THAP5: variants seen among roughly 807,000 people sequenced by gnomAD.
The protein encoded by THAP5 is THAP domain containing 5.
Under a neutral mutation model 34.0 loss-of-function variants are expected in THAP5, and 26 were observed. The ratio of observed to expected loss-of-function variants is 0.77; its 90% CI spans 0.56 to 1.06. The LOEUF (loss-of-function observed/expected upper bound fraction) is 1.06, where lower values mean the gene tolerates loss of function less well. Ranked by LOEUF, THAP5 falls within the 50% of genes least tolerant of loss-of-function variation. THAP5 has a pLI of 0.00. For synonymous variants in THAP5, 125 were observed against 153.0 expected (o/e 0.82, Z 1.35); for missense variants, 394 against 452.8 (o/e 0.87, Z 1.18).
rs1490240025 is a variant in THAP5 at position 108,562,230 on chromosome 7, AAACTT to A, written c.*1956_*1960del. The stretch of plus-strand genomic sequence containing the variant: ...AAAATTACTACAATGTACACTGTTG[AAACTT>A]AACATATCATTACTTTATTGTGACT... On this transcript the variant is annotated 3_prime_UTR_variant, in exon 3 of 3. Transcript: ENST00000415914. 2.6e-5 allele frequency: 4 copies of A among 152,174 alleles called. No homozygotes were observed. Among genetic ancestry groups the A allele is most frequent in the African/African-American group, 9.7e-5 (4 of 41,434 alleles). The allele number at this position is 152,174 out of a possible 1,614,324, so 9.4% of individuals were successfully genotyped here.
intron 1 of THAP5, among the ~76,000 whole-genome samples, chr7:108,568,107 T>C (rs952230625): frequency 2.0e-5 from 3 of 152,254 alleles, no homozygotes; most frequent in Non-Finnish European, 1.5e-5. Flanking sequence ...TGGATTAGAT[T>C]GTTTTCCTCC....
At chr7:108,558,648 G>A (rs1176355695), downstream of THAP5, among the ~76,000 whole-genome samples, 9 of 151,294 alleles carry the variant, frequency 5.9e-5, no homozygotes, top group Non-Finnish European at 1.0e-4. Flanking sequence ...CGCCAGCCTC[G>A]GCCTCCCAAA....
At chr7:108,566,581 A>C (rs1288687167) in intron 1 of THAP5, among the ~76,000 whole-genome samples, 3 of 152,214 alleles carry the variant, frequency 2.0e-5, no homozygotes, top group Non-Finnish European at 4.4e-5. Context: ...CATCATCTTT[A>C]ATTCTATCTA....
downstream of THAP5, among the ~76,000 whole-genome samples, chr7:108,559,127 G>A (rs1291590662): frequency 6.6e-6 from 1 of 152,186 alleles, no homozygotes; most frequent in African/African-American, 2.4e-5. Flanking sequence ...ATACAGTCAT[G>A]GATGGAAAAG....
chr7:108,558,381 G>GTATCTATATATATATATATATA (rs1554694585), downstream of THAP5, among the ~76,000 whole-genome samples: 1 of 93,824 alleles, frequency 1.1e-5, no homozygotes, highest in African/African-American at 4.6e-5. Context: ...GTGTGTGTAT[G>GTATCTATATATATATATATATA]TATATATATA....
At position 108,564,423 on chromosome 7, in the gene THAP5, T is replaced by G. The variant is rs1175786315; in HGVS notation, c.956A>C (p.Gln319Pro). The part of the protein sequence containing the change: ...KDVDYGTEVL[Q>P]IEHSYCRQDI... Reference sequence around the variant, plus strand: ...TTGTCTGCAGTAAGAATGTTCGATTTGTAAAACTTCTGTCCCATAGTCTAC... The same window carrying G: ...TTGTCTGCAGTAAGAATGTTCGATTGGTAAAACTTCTGTCCCATAGTCTAC... The change falls in exon 3 of 3, where the codon CAA becomes CCA. Residue 319 changes from glutamine to proline, a missense_variant. Transcript: ENST00000415914. 1 of 1,613,820 alleles carries G rather than the reference T, an allele frequency of 6.2e-7. No homozygotes were observed. Among genetic ancestry groups the G allele is most frequent in the Non-Finnish European group, 8.5e-7 (1 of 1,179,928 alleles).
chr7:108,558,799 T>C (rs1864406465), downstream of THAP5, among the ~76,000 whole-genome samples: 2 of 152,192 alleles, frequency 1.3e-5, no homozygotes, highest in African/African-American at 4.8e-5. Flanking sequence ...CATATCTGTG[T>C]GGTTATCATG....
intron 1 of THAP5, among the ~76,000 whole-genome samples, chr7:108,555,123 G>A (rs1358083658): frequency 6.6e-6 from 1 of 151,702 alleles, no homozygotes; most frequent in Non-Finnish European, 1.5e-5. Context: ...ATGCTAATTA[G>A]TGACCATTAA....
rs1318788543 is a variant in THAP5, at chr7:108,565,891, C to T, written c.212G>A (p.Gly71Asp). Residue 71 changes from glycine (G) to aspartate (D), a missense_variant, in exon 2 of 3, where the codon GGT becomes GAT. Coordinates refer to ENST00000415914, the MANE Select transcript of THAP5 (RefSeq NM_001130475.3). Reference sequence around the variant, plus strand: ...TGCAGTTTGTTTTAAATATCGAATACCCCATCTGATGTCAAGAGAGTCAGG... The same window carrying T: ...TGCAGTTTGTTTTAAATATCGAATATCCCATCTGATGTCAAGAGAGTCAGG... ...FTPDSLDIRW[G>D]IRYLKQTAVP... 1.3e-6 allele frequency: 2 copies of T among 1,549,020 alleles called. No individual in the cohort carries two copies. The highest frequency in any genetic ancestry group is 2.4e-5 in the East Asian group (1 of 40,894).
chr7:108,548,167 A>G, the THAP5 span, among the ~76,000 whole-genome samples: 1 of 152,234 alleles, frequency 6.6e-6, no homozygotes, highest in Non-Finnish European at 1.5e-5. Context: ...TAATGGGACA[A>G]TAATATACTC....
chr7:108,564,995 T>C lies in THAP5; in HGVS notation c.384A>G (p.Lys128=). Residue 128 remains lysine (K), a synonymous_variant, in exon 3 of 3, where the codon AAA becomes AAG. Coordinates refer to ENST00000415914, the MANE Select transcript of THAP5 (RefSeq NM_001130475.3). ...EESFVLNETK[K]NIVNTDVPHQ... is the part of the protein sequence containing the mutation. ...GGGGCACATCTGTGTTAACTATATT[T>C]TTCTTTGTCTCATTTAATACAAATG... 1 of 1,552,370 alleles carries C rather than the reference T, an allele frequency of 6.4e-7. No individual in the cohort carries two copies. Among genetic ancestry groups the C allele is most frequent in the South Asian group, 1.2e-5 (1 of 84,346 alleles).
rs1790441159 is a variant in THAP5 at position 108,564,577 on chromosome 7, T to C, written c.802A>G (p.Lys268Glu). Reference protein sequence around the residue: ...NQTVEELNTNKESVIAIFVPA... With the variant: ...NQTVEELNTNEESVIAIFVPA... Reference sequence around the variant, plus strand: ...ACAAAAATGGCAATAACAGATTCTTTATTTGTGTTTAATTCTTCAACTGTT... The same window carrying C: ...ACAAAAATGGCAATAACAGATTCTTCATTTGTGTTTAATTCTTCAACTGTT... The change falls in exon 3 of 3, where the codon AAA (lysine) becomes GAA (glutamate). Residue 268 changes from lysine (K) to glutamate (E), a missense_variant. Physicochemically the swap from Lys to Glu is moderately conservative, Grantham distance 56. Coordinates refer to ENST00000415914, the MANE Select transcript of THAP5 (RefSeq NM_001130475.3). 6.8e-6 allele frequency: 11 copies of C among 1,613,920 alleles called. No homozygotes were observed. The highest frequency in any genetic ancestry group is 9.3e-6 in the Non-Finnish European group (11 of 1,179,900).
intron 2 of THAP5, chr7:108,565,629 T>A (rs1790470182): frequency 2.4e-6 from 1 of 422,852 alleles, no homozygotes; most frequent in African/African-American, 2.0e-5. Flanking sequence ...ATAATGTATA[T>A]CTCTTGCTTC....
At chr7:108,542,120 C>T in the THAP5 span, among the ~76,000 whole-genome samples, 6 of 152,240 alleles carry the variant, frequency 3.9e-5, no homozygotes, top group Admixed American at 3.9e-4. Context: ...ATTTGTATTG[C>T]TATTCTGTCA....
chr7:108,553,612 A>T (rs557149773), downstream of THAP5, among the ~76,000 whole-genome samples: 1 of 152,184 alleles, frequency 6.6e-6, no homozygotes, highest in South Asian at 2.1e-4. Flanking sequence ...TACCAAAAAC[A>T]TAGGTCCCAG....
chr7:108,569,728 C>A (rs1790574525), upstream of THAP5: 1 of 921,488 alleles, frequency 1.1e-6, no homozygotes, highest in Non-Finnish European at 1.6e-6. Context: ...TCCGCCTCCT[C>A]CGGTTTAAGC....
the THAP5 span, among the ~76,000 whole-genome samples, chr7:108,543,320 C>G: frequency 6.6e-6 from 1 of 152,068 alleles, no homozygotes; most frequent in African/African-American, 2.4e-5. Context: ...ATTGCTTTCC[C>G]AAGAATGAGT....
chr7:108,553,021 T>G (rs1864363670), downstream of THAP5, among the ~76,000 whole-genome samples: 1 of 152,114 alleles, frequency 6.6e-6, no homozygotes, highest in Non-Finnish European at 1.5e-5. Context: ...ATAGAACTAG[T>G]AGAAATAAAT....
chr7:108,558,828 A>C (rs1216396968), downstream of THAP5, among the ~76,000 whole-genome samples: 1 of 152,188 alleles, frequency 6.6e-6, no homozygotes, highest in African/African-American at 2.4e-5. Flanking sequence ...AGTAGTTTTG[A>C]TATTTTTATC....
Sources: gnomAD v4.1 joint callset for allele counts (sites outside exome capture counted in the v4.1 genomes callset) on GRCh38, gnomAD v4.1.1 for gene constraint, MANE v1.5 for transcripts, NCBI Gene and HGNC (gene_info 2026-07-23, HGNC 2026-07-21) for gene names.